Variants in PLXNA2 observed in about 807,000 individuals in gnomAD.
PLXNA2 encodes the protein plexin A2.
Under a neutral mutation model 193.5 loss-of-function variants are expected in PLXNA2, and 91 were observed. The observed-to-expected ratio is 0.47, with a 90% CI of 0.40 to 0.56. The LOEUF (loss-of-function observed/expected upper bound fraction) is 0.56. Among genes scored for constraint, PLXNA2 ranks in the 20% least tolerant of loss-of-function variants. PLXNA2 has a pLI of 0.00. For missense variants in PLXNA2, 1,995 were observed against 2,503.2 expected (o/e 0.80, Z 4.33); for synonymous variants, 997 against 1,027.3 (o/e 0.97, Z 0.56).
At chr1:208,213,577 C>A (rs1671032036) in intron 2 of PLXNA2, among the ~76,000 whole-genome samples, 1 of 152,178 alleles carries the variant, frequency 6.6e-6, no homozygotes, top group Admixed American at 6.5e-5. Context: ...TGAGTGATAG[C>A]CCCCTTCTTC....
chr1:208,061,548 C>T (rs1665622089), intron 12 of PLXNA2, among the ~76,000 whole-genome samples: 1 of 152,162 alleles, frequency 6.6e-6, no homozygotes, highest in Admixed American at 6.5e-5. Flanking sequence ...GTGCACTTGA[C>T]ACTGTTCTGC....
rs1045644290 is a variant in PLXNA2 at position 208,209,032 on chromosome 1, A to G, written c.1371+1248T>C. 3.9e-5 allele frequency among the ~76,000 whole-genome samples: 6 copies of G among 152,292 alleles called. No individual in the cohort carries two copies. The South Asian group carries it at 1.2e-3, about 32-fold the overall frequency. On this transcript the variant is annotated intron_variant, in intron 3 of 31. Transcript: ENST00000367033. ...TTTTGGAAAAGCAAATGCAAGGACC[A>G]CATTCTTTCTCTCTTCCATGTGCCG...
intron 12 of PLXNA2, among the ~76,000 whole-genome samples, chr1:208,062,889 T>C (rs1351706969): frequency 6.6e-6 from 1 of 152,190 alleles, no homozygotes; most frequent in Non-Finnish European, 1.5e-5. Flanking sequence ...CACAGTTTCC[T>C]CAGGGACCTG....
At chr1:208,147,084 G>A (rs988103443) in intron 3 of PLXNA2, among the ~76,000 whole-genome samples, 6 of 152,136 alleles carry the variant, frequency 3.9e-5, no homozygotes, top group African/African-American at 1.2e-4. Context: ...GTGCAGTGGC[G>A]CAATCACAGC....
chr1:208,043,985 C>T (rs1434765797), intron 20 of PLXNA2, among the ~76,000 whole-genome samples: 1 of 152,260 alleles, frequency 6.6e-6, no homozygotes. Context: ...ACAATCTGCA[C>T]TCCCACACAC....
rs574773757 is a variant in PLXNA2 at position 208,088,279 on chromosome 1, C to A, written c.2098-3699G>T. Among the ~76,000 whole-genome samples, 30 of 152,310 alleles carry A rather than the reference C, an allele frequency of 2.0e-4. 1 individual carries two copies. In the South Asian group the frequency reaches 6.0e-3, roughly 31 times the overall value. ...CCTATGAGTCTTGGGCTCACATTGC[C>A]CACCTGTTCAGCTGTGCTCTGCCAG... On this transcript the variant is annotated intron_variant, in intron 9 of 31. Transcript: ENST00000367033.
chr1:208,229,799 A>G (rs1313192178), intron 1 of PLXNA2, among the ~76,000 whole-genome samples: 1 of 152,232 alleles, frequency 6.6e-6, no homozygotes, highest in Non-Finnish European at 1.5e-5. Flanking sequence ...ATAATAATAA[A>G]AAATGACAAA....
At chr1:208,116,084 T>C (rs1347383467) in intron 4 of PLXNA2, among the ~76,000 whole-genome samples, 1 of 152,214 alleles carries the variant, frequency 6.6e-6, no homozygotes, top group Admixed American at 6.5e-5. Context: ...TCTTGCTTTG[T>C]GTAGTCCTGC....
rs151324148 is a variant in PLXNA2 at position 208,049,972 on chromosome 1, A to G, written c.3255+1037T>C. 5.5e-3 allele frequency among the ~76,000 whole-genome samples: 843 copies of G among 152,368 alleles called. 17 individuals carry two copies. The highest frequency in any genetic ancestry group is 0.018 in the African/African-American group (757 of 41,582). ...GTAGCATCTGCTATAATATAATTAC[A>G]AATACAATCATGTTTCAAAAAATAT... On this transcript the variant is annotated intron_variant, in intron 17 of 31. Transcript: ENST00000367033.
At chr1:208,035,450 G>A (rs1664641293) in intron 26 of PLXNA2, among the ~76,000 whole-genome samples, 1 of 152,118 alleles carries the variant, frequency 6.6e-6, no homozygotes, top group African/African-American at 2.4e-5. Flanking sequence ...GGGACTGAGC[G>A]AGAAAGATGG....
At chr1:208,111,908 G>A (rs993901992) in intron 4 of PLXNA2, among the ~76,000 whole-genome samples, 4 of 152,154 alleles carry the variant, frequency 2.6e-5, no homozygotes, top group Admixed American at 2.0e-4. Context: ...TGGAGGTTCC[G>A]GAGACTGTGA....
At chr1:208,119,069 C>T (rs556439501) in intron 4 of PLXNA2, among the ~76,000 whole-genome samples, 1 of 152,182 alleles carries the variant, frequency 6.6e-6, no homozygotes, top group Non-Finnish European at 1.5e-5. Flanking sequence ...ATACACACCA[C>T]GGGTGATGCA....
At chr1:208,030,566 G>A (rs911261781) in intron 29 of PLXNA2, 2 of 985,440 alleles carry the variant, frequency 2.0e-6, no homozygotes, top group Non-Finnish European at 2.4e-6. Flanking sequence ...TGCAGACTGA[G>A]GAAGGCTCAG....
rs765423254 is a variant in PLXNA2, at chr1:208,029,020, T to A, written c.5248A>T (p.Asn1750Tyr). ...ACGAACTGGGGGTTCTTAATCACGTTCACCCAGAAGCGCAGAGGGAGGCTG... is the reference window on the plus strand; with the variant it reads ...ACGAACTGGGGGTTCTTAATCACGTACACCCAGAAGCGCAGAGGGAGGCTG... ...SNCLPLRFWV[N>Y]VIKNPQFVFD... The change falls in exon 30 of 32, where the codon AAC (asparagine) becomes TAC (tyrosine). Residue 1750 changes from asparagine (N) to tyrosine (Y), a missense_variant. Physicochemically the swap from Asn to Tyr is moderately radical, Grantham distance 143. Coordinates refer to ENST00000367033, the MANE Select transcript of PLXNA2 (RefSeq NM_025179.4). 1 of 1,613,904 alleles carries A rather than the reference T, an allele frequency of 6.2e-7. No homozygotes were observed. The highest frequency in any genetic ancestry group is 1.7e-5 in the Admixed American group (1 of 59,994).
At chr1:208,099,549 C>T (rs1667024560) in intron 5 of PLXNA2, among the ~76,000 whole-genome samples, 2 of 152,238 alleles carry the variant, frequency 1.3e-5, no homozygotes, top group Middle Eastern at 6.8e-3. Context: ...TGTTTTCCTG[C>T]CTCAGAATGA....
rs181015584 is a variant in PLXNA2, at chr1:208,042,836, A to T, written c.4017+225T>A. ...TAGTTAATTAGTTCAGTCATTAATT[A>T]AAAAATGACAAACAATGAGCTTTAC... On this transcript the variant is annotated intron_variant, in intron 21 of 31. Coordinates refer to ENST00000367033, the MANE Select transcript of PLXNA2 (RefSeq NM_025179.4). Among the ~76,000 whole-genome samples, 160 of 152,354 alleles carry T rather than the reference A, an allele frequency of 1.1e-3. 1 individual carries two copies. The highest frequency in any genetic ancestry group is 1.9e-3 in the Non-Finnish European group (132 of 68,040).
chr1:208,051,204 AG>A, intron 16 of PLXNA2, 51 bp downstream of exon 16: 2 of 1,595,546 alleles, frequency 1.3e-6, no homozygotes, highest in Non-Finnish European at 1.7e-6. Flanking sequence ...CTTGGGCTGC[AG>A]GGATCATGCT....
intron 8 of PLXNA2, 29 bp downstream of exon 8, chr1:208,096,000 G>A (rs764500916): frequency 6.4e-7 from 1 of 1,559,706 alleles, no homozygotes; most frequent in Non-Finnish European, 8.8e-7. Context: ...TCCAGACCCA[G>A]AGCAAGACCC....
At chr1:208,115,073 T>C (rs1667597186) in intron 4 of PLXNA2, among the ~76,000 whole-genome samples, 1 of 152,174 alleles carries the variant, frequency 6.6e-6, no homozygotes, top group African/African-American at 2.4e-5. Flanking sequence ...CTTTGCTGGA[T>C]CCAGTGCCTC....
Sources: allele counts gnomAD v4.1 joint callset (sites outside exome capture counted in the v4.1 genomes callset), GRCh38; gene constraint gnomAD v4.1.1; transcripts MANE v1.5; gene names NCBI Gene and HGNC (gene_info 2026-07-23, HGNC 2026-07-21).